The following DCLK1 variants were observed in gnomAD, a reference collection of about 807,000 sequenced individuals.
The protein encoded by DCLK1 is serine/threonine-protein kinase DCLK1.
A neutral mutation model predicts 86.2 loss-of-function variants in DCLK1; 16 were observed. The ratio of observed to expected loss-of-function variants is 0.19; its 90% CI spans 0.13 to 0.28. The LOEUF is 0.28. DCLK1 is among the 10% of genes least tolerant of loss of function. The probability of loss-of-function intolerance (pLI) is 1.00; values close to 1 mark genes in which losing one functional copy is unlikely to be tolerated. For missense variants in DCLK1, 590 were observed against 940.2 expected (o/e 0.63, Z 4.87); for synonymous variants, 369 against 370.5 (o/e 1.00, Z 0.05).
chr13:35,829,926 T>C (rs1868814124), intron 8 of DCLK1, among the ~76,000 whole-genome samples: 1 of 152,204 alleles, frequency 6.6e-6, no homozygotes, highest in Non-Finnish European at 1.5e-5. Flanking sequence ...CAACAAAGAC[T>C]CTGCCATGGC....
chr13:35,832,686 T>C (rs1389360234), intron 8 of DCLK1, among the ~76,000 whole-genome samples: 15 of 152,110 alleles, frequency 9.9e-5, no homozygotes. Flanking sequence ...TACCAAGTAA[T>C]CCTAACAAAG....
intron 4 of DCLK1, among the ~76,000 whole-genome samples, chr13:35,941,179 G>T (rs1414167378): frequency 6.6e-6 from 1 of 152,038 alleles, no homozygotes; most frequent in Non-Finnish European, 1.5e-5. Context: ...TGGTGCAAAA[G>T]TAATCACTTT....
At chr13:36,106,987 T>C (rs1179089765) in intron 3 of DCLK1, among the ~76,000 whole-genome samples, 1 of 152,196 alleles carries the variant, frequency 6.6e-6, no homozygotes, top group Non-Finnish European at 1.5e-5. Flanking sequence ...TGATATCTGA[T>C]TAATAGATTC....
intron 4 of DCLK1, among the ~76,000 whole-genome samples, chr13:35,918,894 T>TTTTTTTTTTTTTTG (rs1875607939): frequency 7.9e-6 from 1 of 125,938 alleles, no homozygotes; most frequent in South Asian, 3.0e-4. Context: ...CTGAGTGTGT[T>TTTTTTTTTTTTTTG]TTTTTTTTTT....
intron 15 of DCLK1, among the ~76,000 whole-genome samples, chr13:35,795,551 A>G (rs2086790876): frequency 6.6e-6 from 1 of 152,224 alleles, no homozygotes; most frequent in African/African-American, 2.4e-5. Flanking sequence ...ATAATTACAA[A>G]GAATTAGGAT....
intron 5 of DCLK1, among the ~76,000 whole-genome samples, chr13:35,858,758 T>TC (rs1460746471): frequency 6.6e-6 from 1 of 152,216 alleles, no homozygotes; most frequent in Admixed American, 6.5e-5. Flanking sequence ...TCTATTTGCA[T>TC]CGCCATCTCT....
chr13:35,894,364 C>T (rs1873823707), intron 4 of DCLK1, among the ~76,000 whole-genome samples: 1 of 152,226 alleles, frequency 6.6e-6, no homozygotes, highest in Non-Finnish European at 1.5e-5. Context: ...AGAACTTGAA[C>T]TTGGTGCAGT....
intron 3 of DCLK1, among the ~76,000 whole-genome samples, chr13:36,093,624 A>G (rs1001054925): frequency 3.9e-5 from 6 of 152,208 alleles, no homozygotes; most frequent in Admixed American, 1.3e-4. Flanking sequence ...GCACATTATC[A>G]TTCAATCACC....
intron 3 of DCLK1, among the ~76,000 whole-genome samples, chr13:36,028,375 G>A (rs1198063802): frequency 2.0e-5 from 3 of 152,176 alleles, no homozygotes; most frequent in African/African-American, 7.2e-5. Context: ...CTGACCACAT[G>A]GCTCATGGAC....
At chr13:35,997,629 C>A (rs76457536) in intron 3 of DCLK1, among the ~76,000 whole-genome samples, 5,347 of 152,250 alleles carry the variant, frequency 0.035, 218 homozygotes, top group East Asian at 0.22. Context: ...TGAAAACATT[C>A]TTTCTCATAC....
At chr13:35,800,477 T>C (rs769668224) in intron 15 of DCLK1, among the ~76,000 whole-genome samples, 8 of 152,154 alleles carry the variant, frequency 5.3e-5, no homozygotes, top group African/African-American at 1.7e-4. Flanking sequence ...ATGTGGCTCA[T>C]TGGAACCATC....
At chr13:35,808,099 A>T in intron 14 of DCLK1, 125 bp downstream of exon 14, 1 of 925,528 alleles carries the variant, frequency 1.1e-6, no homozygotes, top group Non-Finnish European at 1.7e-6. Context: ...CCTAGCAATT[A>T]CAACTAAAAT....
Position 35,827,616 on chromosome 13 carries a change from T to C in DCLK1, c.1407+19A>G, listed in dbSNP as rs200318965. On this transcript the variant is annotated intron_variant, in intron 10 of 16. Transcript: ENST00000360631. The stretch of plus-strand genomic sequence containing the variant: ...GCGGTGCCATCAATAAAGACTTACT[T>C]TCTTTCCAAAATACACACCTTTACT... 373 of 1,613,416 alleles carry C rather than the reference T, an allele frequency of 2.3e-4. 3 individuals carry two copies. The East Asian group carries it at 6.7e-3, about 29-fold the overall frequency.
intron 3 of DCLK1, among the ~76,000 whole-genome samples, chr13:36,084,427 C>T (rs1013846713): frequency 2.6e-5 from 4 of 152,114 alleles, no homozygotes; most frequent in Non-Finnish European, 5.9e-5. Flanking sequence ...TATGTATAAT[C>T]TGATAAAAAG....
intron 3 of DCLK1, among the ~76,000 whole-genome samples, chr13:36,020,570 G>A (rs751119202): frequency 6.6e-5 from 10 of 151,672 alleles, no homozygotes; most frequent in Admixed American, 2.0e-4. Flanking sequence ...TCTGAAGAAC[G>A]AAAAAAGAAA....
intron 3 of DCLK1, among the ~76,000 whole-genome samples, chr13:36,047,909 G>C (rs1419153681): frequency 6.6e-6 from 1 of 152,108 alleles, no homozygotes; most frequent in Non-Finnish European, 1.5e-5. Context: ...AGTGAGCTAG[G>C]ATCGCACCAC....
At position 36,018,444 on chromosome 13, in the gene DCLK1, GT is replaced by G. The variant is rs1424586355; in HGVS notation, c.724-70988del. Among the ~76,000 whole-genome samples, 3 of 152,220 alleles carry G rather than the reference GT, an allele frequency of 2.0e-5. No individual in the cohort carries two copies. The East Asian group carries it at 5.8e-4, about 29-fold the overall frequency. On this transcript the variant is annotated intron_variant, in intron 3 of 16. Transcript: ENST00000360631. ...GCATTCCTAAAAATCAGTTTAAAAT[GT>G]TTTTCTATGCATGTTTCAAAATCAT... is the stretch of plus-strand genomic sequence containing the variant.
At chr13:35,868,762 G>A (rs1300041919) in intron 5 of DCLK1, among the ~76,000 whole-genome samples, 2 of 152,050 alleles carry the variant, frequency 1.3e-5, no homozygotes, top group East Asian at 3.9e-4. Flanking sequence ...CTCCATGGGA[G>A]TTCACCCTAT....
intron 3 of DCLK1, among the ~76,000 whole-genome samples, chr13:36,109,243 AAAC>A (rs1489498612): frequency 6.6e-6 from 1 of 152,274 alleles, no homozygotes; most frequent in East Asian, 1.9e-4. Context: ...ACGCTTGACA[AAAC>A]AACAGTTGAG....
Sources: gnomAD v4.1 joint callset for allele counts (sites outside exome capture counted in the v4.1 genomes callset) on GRCh38, gnomAD v4.1.1 for gene constraint, MANE v1.5 for transcripts, NCBI Gene and HGNC (gene_info 2026-07-23, HGNC 2026-07-21) for gene names.